ANAPC5: variants seen among roughly 807,000 people sequenced by gnomAD.
ANAPC5 encodes the protein anaphase-promoting complex subunit 5.
In ANAPC5, 60 loss-of-function variants were observed where a neutral mutation model predicts 91.3. The observed-to-expected ratio is 0.66, with a 90% CI of 0.53 to 0.81. The LOEUF (loss-of-function observed/expected upper bound fraction) is 0.81. ANAPC5 is among the 40% of genes least tolerant of loss of function. ANAPC5 has a pLI of 0.00. For synonymous variants in ANAPC5, 340 were observed against 364.1 expected (o/e 0.93, Z 0.75); for missense variants, 690 against 931.5 (o/e 0.74, Z 3.37).
In ANAPC5 at chr12:121,327,177, C is replaced by T. The variant is rs779233762; in HGVS notation, c.1359G>A (p.Ala453=). 9.3e-6 allele frequency: 15 copies of T among 1,613,512 alleles called. No homozygotes were observed. The highest frequency in any genetic ancestry group is 4.5e-5 in the East Asian group (2 of 44,836). Residue 453 remains alanine, a synonymous_variant, in exon 11 of 17, where the codon GCG becomes GCA. Transcript: ENST00000261819. ...QMLLSMNSLE[A]VNAGVQQNNT... Reference sequence around the variant, plus strand: ...TGTTCTGCTGCACGCCCGCATTCACCGCCTCCAGGCTGTTCATGCTCAGCA... The same window carrying T: ...TGTTCTGCTGCACGCCCGCATTCACTGCCTCCAGGCTGTTCATGCTCAGCA...
At position 121,324,124 on chromosome 12, in the gene ANAPC5, C is replaced by T. The variant is rs114172811; in HGVS notation, c.1440+2972G>A. Among the ~76,000 whole-genome samples, 902 of 152,228 alleles carry T rather than the reference C, an allele frequency of 5.9e-3. 9 individuals are homozygous for T. The highest frequency in any genetic ancestry group is 0.021 in the African/African-American group (867 of 41,544). ...AAAACAACGTGCACCATCCAATTTA[C>T]TTGAAGGAAAGTTTCAGAAGCAGAT... On this transcript the variant is annotated intron_variant, in intron 11 of 16. Coordinates refer to ENST00000261819, the MANE Select transcript of ANAPC5 (RefSeq NM_016237.5).
Position 121,331,341 on chromosome 12 carries a change from C to T in ANAPC5, c.1032+6G>A, listed in dbSNP as rs1408619755. The T allele has an allele frequency of 3.2e-6, 5 of 1,584,186 alleles. No homozygotes were observed. Among genetic ancestry groups the T allele is most frequent in the African/African-American group, 1.3e-5 (1 of 74,478 alleles). Reference sequence around the variant, plus strand: ...CAAAACTCCCAAGACCAGAGGATGGCCTCACCAAACAGTGCTGGAGACACA... The same window carrying T: ...CAAAACTCCCAAGACCAGAGGATGGTCTCACCAAACAGTGCTGGAGACACA... On this transcript the variant is annotated splice_donor_region_variant and intron_variant, in intron 8 of 16. Coordinates refer to ENST00000261819, the MANE Select transcript of ANAPC5 (RefSeq NM_016237.5).
intron 4 of ANAPC5, 77 bp downstream of exon 4, chr12:121,345,761 TA>T: frequency 7.0e-7 from 1 of 1,426,364 alleles, no homozygotes; most frequent in Non-Finnish European, 9.7e-7. Flanking sequence ...ACGTGAATTC[TA>T]AATGAACAAG....
chr12:121,309,558 G>T, intron 16 of ANAPC5, 143 bp downstream of exon 16: 2 of 984,702 alleles, frequency 2.0e-6, no homozygotes, highest in Non-Finnish European at 1.4e-6. Flanking sequence ...CACTTTAAAT[G>T]CTGCATGAAA....
intron 1 of ANAPC5, among the ~76,000 whole-genome samples, chr12:121,350,810 A>G (rs193286006): frequency 1.4e-3 from 207 of 152,328 alleles, no homozygotes; most frequent in African/African-American, 4.9e-3. Context: ...AACAGGACTA[A>G]GTACTGAGCT....
chr12:121,319,708 C>A lies in ANAPC5; in HGVS notation c.1626G>T (p.Glu542Asp), dbSNP rs764274698. 2.5e-6 allele frequency: 4 copies of A among 1,609,462 alleles called. No homozygotes were observed. Among genetic ancestry groups the A allele is most frequent in the African/African-American group, 1.3e-5 (1 of 74,660 alleles). The change falls in exon 13 of 17, where the codon GAG becomes GAT. Residue 542 changes from glutamate (E) to aspartate (D), a missense_variant. By Grantham distance (45) the Glu-to-Asp change is conservative. Transcript: ENST00000261819. Reference sequence around the variant, plus strand: ...TCAAGGTTTCTTACCTATAAACACCCTCTATGCTATTGAGAGCTGTGATTC... The same window carrying A: ...TCAAGGTTTCTTACCTATAAACACCATCTATGCTATTGAGAGCTGTGATTC... The part of the protein sequence containing the change: ...VTGITALNSI[E>D]GVYRKAVVLQ...
At chr12:121,351,649 G>A (rs1306665406) in intron 1 of ANAPC5, among the ~76,000 whole-genome samples, 4 of 151,944 alleles carry the variant, frequency 2.6e-5, no homozygotes, top group Non-Finnish European at 5.9e-5. Flanking sequence ...AGTAGAGACG[G>A]GGTTTCACTA....
intron 5 of ANAPC5, among the ~76,000 whole-genome samples, chr12:121,341,054 G>A (rs979447788): frequency 1.3e-5 from 2 of 152,056 alleles, no homozygotes; most frequent in Non-Finnish European, 2.9e-5. Flanking sequence ...TTTGGGCTGG[G>A]CGTGGTGGCT....
chr12:121,352,354 TAAGTC>T lies in ANAPC5; in HGVS notation c.-19_-15del. 6.3e-7 allele frequency: 1 copy of T among 1,586,014 alleles called. No homozygotes were observed. Among genetic ancestry groups the T allele is most frequent in the Non-Finnish European group, 8.6e-7 (1 of 1,162,204 alleles). ...GACGCTGGCCATGGCGGCCCGAGAC[TAAGTC>T]TCGGGCCCGCGGCGCGCTGCCGCCA... On this transcript the variant is annotated 5_prime_UTR_variant, in exon 1 of 17. Transcript: ENST00000261819.
chr12:121,315,273 T>C (rs1373862647), intron 15 of ANAPC5, among the ~76,000 whole-genome samples: 2 of 152,282 alleles, frequency 1.3e-5, no homozygotes, highest in African/African-American at 2.4e-5. Context: ...CTACAAAACA[T>C]TGTTGAAGTA....
chr12:121,326,846 T>C (rs1902837409), intron 11 of ANAPC5, among the ~76,000 whole-genome samples: 1 of 152,200 alleles, frequency 6.6e-6, no homozygotes, highest in Admixed American at 6.5e-5. Context: ...ATCCTATTTA[T>C]TTCCTTAGTT....
chr12:121,310,840 A>G (rs1902136996), intron 15 of ANAPC5, among the ~76,000 whole-genome samples: 1 of 150,790 alleles, frequency 6.6e-6, no homozygotes, highest in Non-Finnish European at 1.5e-5. Context: ...TGGCTGAGAC[A>G]GGAGAATCAC....
chr12:121,341,681 C>A (rs1025018542), intron 5 of ANAPC5, among the ~76,000 whole-genome samples: 1 of 152,128 alleles, frequency 6.6e-6, no homozygotes, highest in African/African-American at 2.4e-5. Flanking sequence ...TTTTCAGGCT[C>A]TCTTTATGTT....
intron 15 of ANAPC5, among the ~76,000 whole-genome samples, chr12:121,310,957 A>C (rs1902144486): frequency 2.0e-5 from 3 of 148,364 alleles, no homozygotes; most frequent in African/African-American, 7.7e-5. Flanking sequence ...AAAAAAATCA[A>C]ATTAGAAATA....
intron 16 of ANAPC5, 38 bp downstream of exon 16, chr12:121,309,663 G>T: frequency 1.3e-6 from 2 of 1,566,420 alleles, no homozygotes; most frequent in South Asian, 1.2e-5. Flanking sequence ...ATGCTTTCTG[G>T]AATAGCATTG....
chr12:121,328,382 C>T lies in ANAPC5; in HGVS notation c.1238G>A (p.Ser413Asn). ...GCTGATATCGATGAGCTCTGACAGG[C>T]TGTGTTTCCAGTGCAGGAGGTCGGA... ...KDSDLLHWKH[S>N]LSELIDISIA... Residue 413 changes from serine to asparagine, a missense_variant, in exon 10 of 17, where the codon AGC becomes AAC. By Grantham distance (46) the Ser-to-Asn change is conservative (BLOSUM62 1). This residue lies in a region of ANAPC5 where 317 missense variants were observed against 438.7 expected (regional missense o/e 0.72). Transcript: ENST00000261819. The T allele has an allele frequency of 6.2e-7, 1 of 1,613,978 alleles. No individual in the cohort carries two copies. The highest frequency in any genetic ancestry group is 8.5e-7 in the Non-Finnish European group (1 of 1,180,000).
intron 15 of ANAPC5, among the ~76,000 whole-genome samples, chr12:121,316,730 C>G (rs1398559253): frequency 3.0e-4 from 22 of 73,416 alleles, no homozygotes; most frequent in Middle Eastern, 0.012. Context: ...GAGACTCTGT[C>G]TCAAAAAAAA....
Position 121,312,706 on chromosome 12 carries a change from CAAAA to C in ANAPC5, c.1894-2847_1894-2844del, listed in dbSNP as rs34791908. Among the ~76,000 whole-genome samples the C allele has an allele frequency of 1.4e-4, 7 of 51,816 alleles. No homozygotes were observed. The East Asian group carries it at 1.4e-3, about 10-fold the overall frequency. 34.0% of individuals were successfully genotyped at this position (51,816 alleles called of 152,430 possible). A position where few individuals can be genotyped will look rare whatever the true frequency, so the allele number is the denominator to read the frequency against. ...TAGGCGACAGAGCGAGACTCTGTCA[CAAAA>C]AAAAAAAAAAAAAAAAAAAATTACC... On this transcript the variant is annotated intron_variant, in intron 15 of 16. Transcript: ENST00000261819.
rs554957642 is a variant in ANAPC5 at position 121,322,064 on chromosome 12, C to A, written c.1441-1605G>T. Among the ~76,000 whole-genome samples the A allele has an allele frequency of 1.8e-4, 27 of 152,004 alleles. No individual in the cohort carries two copies. The East Asian group carries it at 5.2e-3, about 29-fold the overall frequency. On this transcript the variant is annotated intron_variant, in intron 11 of 16. Transcript: ENST00000261819. ...TATTTTTAGGAGAGACAGGGTTTCA[C>A]CATGTTGGTCAGGCTGCTCTCGATC...
Sources: allele counts gnomAD v4.1 joint callset (sites outside exome capture counted in the v4.1 genomes callset), GRCh38; gene constraint gnomAD v4.1.1; regional missense constraint gnomAD v4.1.1; transcripts MANE v1.5; gene names NCBI Gene and HGNC (gene_info 2026-07-23, HGNC 2026-07-21).